Variants in MTMR1 observed in about 807,000 individuals in gnomAD.
The protein encoded by MTMR1 is myotubularin related protein 1.
Under a neutral mutation model 51.6 loss-of-function variants are expected in MTMR1, and 17 were observed. The observed-to-expected ratio is 0.33, with a 90% confidence interval of 0.23 to 0.49. The LOEUF is 0.49. MTMR1 is among the 20% of genes least tolerant of loss of function. The pLI is 0.99. For missense variants in MTMR1, 386 were observed against 526.9 expected (o/e 0.73, Z 2.62); for synonymous variants, 201 against 205.6 (o/e 0.98, Z 0.19).
At chrX:150,724,575 A>G (rs2041868510) in intron 4 of MTMR1, among the ~76,000 whole-genome samples, 1 of 111,571 alleles carries the variant, frequency 9.0e-6, no homozygotes, top group African/African-American at 3.3e-5. Flanking sequence ...TGCTGTGCGG[A>G]AGCTCTTTAG....
intron 15 of MTMR1, 109 bp downstream of exon 15, chrX:150,755,974 C>T (rs1203734295): frequency 2.8e-5 from 18 of 639,193 alleles, no homozygotes; most frequent in African/African-American, 9.0e-5. Flanking sequence ...CCATACTGAC[C>T]GTCTTCTGCC....
At chrX:150,750,979 G>T (rs1557417577) in intron 14 of MTMR1, 136 bp downstream of exon 14, 2 of 1,107,457 alleles carry the variant, frequency 1.8e-6, no homozygotes, top group African/African-American at 3.6e-5. Flanking sequence ...CCCTCCCAGG[G>T]TTCTGGCCAG....
At chrX:150,734,747 G>A (rs937646555) in intron 10 of MTMR1, among the ~76,000 whole-genome samples, 1 of 112,500 alleles carries the variant, frequency 8.9e-6, no homozygotes, top group Non-Finnish European at 1.9e-5. Context: ...ATAAGATTAT[G>A]TCATATGCAA....
At chrX:150,729,589 A>G (rs1375666854) in intron 6 of MTMR1, among the ~76,000 whole-genome samples, 1 of 112,033 alleles carries the variant, frequency 8.9e-6, no homozygotes, top group Non-Finnish European at 1.9e-5. Flanking sequence ...TGTGTATAGT[A>G]AAAAATCAGT....
At chrX:150,759,454 C>T (rs1313816698) in intron 15 of MTMR1, among the ~76,000 whole-genome samples, 1 of 109,081 alleles carries the variant, frequency 9.2e-6, no homozygotes, top group Non-Finnish European at 1.9e-5. Flanking sequence ...CAGAACCATG[C>T]CTGATCTGGA....
chrX:150,751,000 T>C, intron 14 of MTMR1, 157 bp downstream of exon 14: 13 of 1,142,244 alleles, frequency 1.1e-5, no homozygotes, highest in Non-Finnish European at 1.5e-5. Flanking sequence ...CCCCACCGCA[T>C]GTGTCTAACA....
intron 13 of MTMR1, among the ~76,000 whole-genome samples, chrX:150,748,460 G>T (rs782196598): frequency 1.9e-4 from 21 of 110,482 alleles, no homozygotes; most frequent in South Asian, 7.7e-4. Flanking sequence ...TATGAATAGG[G>T]CATAACTAAG....
At chrX:150,699,137 A>G (rs1557415833) in intron 1 of MTMR1, 58 bp from the exon 2 acceptor site, 1 of 781,510 alleles carries the variant, frequency 1.3e-6, no homozygotes, top group East Asian at 3.5e-5. Flanking sequence ...ATTCAGTGCT[A>G]ATTTTTTCAC....
In MTMR1 at chrX:150,744,365, T is replaced by C. The variant is rs1557417392; in HGVS notation, c.1478T>C (p.Val493Ala). The part of the protein sequence containing the change: ...ISFGHRFALR[V>A]GHGNDNHADA... ...TAACCTTCTGTTTCTGTTCAGCGAG[T>C]GGGCCATGGTAATGACAACCATGCG... Residue 493 changes from valine to alanine, a missense_variant, in exon 13 of 16, where the codon GTG (valine) becomes GCG (alanine). Coordinates refer to ENST00000445323, the MANE Select transcript of MTMR1 (RefSeq NM_001306144.3). 8.3e-7 allele frequency: 1 copy of C among 1,207,699 alleles called. No individual in the cohort carries two copies. Among genetic ancestry groups the C allele is most frequent in the Admixed American group, 2.2e-5 (1 of 45,798 alleles).
intron 2 of MTMR1, among the ~76,000 whole-genome samples, chrX:150,701,105 G>A (rs1438700367): frequency 3.6e-5 from 4 of 112,249 alleles, no homozygotes; most frequent in African/African-American, 1.3e-4. Context: ...AAGGGGGCAT[G>A]TTTTATAATT....
At chrX:150,739,102 C>T (rs1255144069) in intron 12 of MTMR1, among the ~76,000 whole-genome samples, 1 of 112,195 alleles carries the variant, frequency 8.9e-6, no homozygotes, top group Non-Finnish European at 1.9e-5. Context: ...GTGTGCCAAG[C>T]TTCCAGCTGT....
chrX:150,747,300 A>C (rs148097489), intron 13 of MTMR1, among the ~76,000 whole-genome samples: 74 of 110,039 alleles, frequency 6.7e-4, no homozygotes, highest in African/African-American at 2.5e-3. Context: ...AAAAAAAATT[A>C]AAAAATTAGC....
chrX:150,702,052 CT>C (rs1374907316), intron 2 of MTMR1, among the ~76,000 whole-genome samples: 2 of 105,803 alleles, frequency 1.9e-5, no homozygotes, highest in African/African-American at 3.4e-5. Flanking sequence ...GCTTTTCGAT[CT>C]TTTTTTTTCT....
intron 2 of MTMR1, among the ~76,000 whole-genome samples, chrX:150,699,846 G>T (rs1378300187): frequency 8.9e-6 from 1 of 112,118 alleles, no homozygotes; most frequent in Non-Finnish European, 1.9e-5. Flanking sequence ...TAAGCTCCTT[G>T]TCAGCAGAGA....
At chrX:150,705,946 C>T (rs188998306) in intron 2 of MTMR1, among the ~76,000 whole-genome samples, 146 of 112,274 alleles carry the variant, frequency 1.3e-3, no homozygotes, top group African/African-American at 4.7e-3. Context: ...AGTATTGTAA[C>T]AATGAAATAC....
In MTMR1 at chrX:150,763,419, C is replaced by T. The variant is rs782440966; in HGVS notation, c.*690C>T. On this transcript the variant is annotated 3_prime_UTR_variant, in exon 16 of 16. Coordinates refer to ENST00000445323, the MANE Select transcript of MTMR1 (RefSeq NM_001306144.3). ...TCTGTCCTCACCTCACTCTGGTACT[C>T]GCCTCTTGGGGCGGCTCAGCCCATT... 4.4e-5 allele frequency: 5 copies of T among 112,931 alleles called. No homozygotes were observed. The highest frequency in any genetic ancestry group is 1.3e-4 in the African/African-American group (4 of 31,073). The allele number at this position is 112,931 out of a possible 1,213,427, so 9.3% of individuals were successfully genotyped here.
At chrX:150,713,976 A>G (rs2041408922) in intron 3 of MTMR1, among the ~76,000 whole-genome samples, 1 of 112,131 alleles carries the variant, frequency 8.9e-6, no homozygotes, top group Admixed American at 9.4e-5. Context: ...AGCATGTGAT[A>G]TATGCATGTG....
chrX:150,736,995 T>G (rs1459366705), intron 11 of MTMR1, among the ~76,000 whole-genome samples: 1 of 111,718 alleles, frequency 9.0e-6, no homozygotes, highest in Non-Finnish European at 1.9e-5. Context: ...TTTAAAGAAC[T>G]TCGTGGCCCT....
chrX:150,725,293 G>A (rs2041890834), intron 4 of MTMR1, among the ~76,000 whole-genome samples: 1 of 111,421 alleles, frequency 9.0e-6, no homozygotes, highest in Non-Finnish European at 1.9e-5. Context: ...TCACCTCCCT[G>A]GGTAGCCATA....
Sources: allele counts gnomAD v4.1 joint callset (sites outside exome capture counted in the v4.1 genomes callset), GRCh38; gene constraint gnomAD v4.1.1; transcripts MANE v1.5; gene names NCBI Gene and HGNC (gene_info 2026-07-23, HGNC 2026-07-21).